CHN1: variants seen among roughly 807,000 people sequenced by gnomAD.
The protein encoded by CHN1 is chimerin 1.
CHN1 carries 37 observed loss-of-function variants against 59.5 expected under a neutral mutation model. The ratio of observed to expected loss-of-function variants is 0.62; its 90% CI spans 0.48 to 0.82. The LOEUF is 0.82. CHN1 is among the 40% of genes least tolerant of loss of function. The pLI, the probability that CHN1 is intolerant of heterozygous loss-of-function variation, is 0.00. For synonymous variants in CHN1, 206 were observed against 200.4 expected, an observed-to-expected ratio of 1.03 and a Z score of -0.24; for missense variants, 469 against 571.0, an observed-to-expected ratio of 0.82 and a Z score of 1.82.
intron 1 of CHN1, among the ~76,000 whole-genome samples, chr2:174,996,355 G>A (rs1311995610): frequency 1.3e-5 from 2 of 152,054 alleles, no homozygotes; most frequent in Non-Finnish European, 2.9e-5. Flanking sequence ...TTTTCAAGTG[G>A]GTCAACAGAC....
chr2:174,851,289 C>T (rs776170377), intron 6 of CHN1, among the ~76,000 whole-genome samples: 1 of 151,350 alleles, frequency 6.6e-6, no homozygotes, highest in Non-Finnish European at 1.5e-5. Context: ...CCTGCCCATC[C>T]TTTTTTTTGA....
chr2:174,878,490 C>T (rs891708502), intron 5 of CHN1, among the ~76,000 whole-genome samples: 6 of 152,158 alleles, frequency 3.9e-5, no homozygotes, highest in Admixed American at 3.9e-4. Flanking sequence ...TAATAGATGA[C>T]ATTTCTATAC....
intron 6 of CHN1, among the ~76,000 whole-genome samples, chr2:174,855,858 T>C (rs983086061): frequency 1.3e-5 from 2 of 152,106 alleles, no homozygotes; most frequent in Admixed American, 1.3e-4. Flanking sequence ...AAATTAAGTA[T>C]CTTGCTGAAG....
chr2:174,988,360 A>T lies in CHN1; in HGVS notation c.19+16534T>A, dbSNP rs568166348. On this transcript the variant is annotated intron_variant, in intron 1 of 12. Coordinates refer to ENST00000409900, the MANE Select transcript of CHN1 (RefSeq NM_001822.7). ...CAACAGAGTGAAACTCCGTCTCAAA[A>T]AAAAAAAAAAAAAGACCAAATACTT... Among the ~76,000 whole-genome samples the T allele has an allele frequency of 2.0e-5, 3 of 151,432 alleles. No homozygotes were observed. In the East Asian group the frequency reaches 5.8e-4, roughly 29 times the overall value.
chr2:174,865,672 C>G (rs979031347), intron 6 of CHN1, among the ~76,000 whole-genome samples: 5 of 152,118 alleles, frequency 3.3e-5, no homozygotes, highest in Non-Finnish European at 7.4e-5. Context: ...AACAGACTTT[C>G]AATGTTCTAA....
chr2:174,914,919 C>T, intron 5 of CHN1, 139 bp downstream of exon 5: 1 of 496,110 alleles, frequency 2.0e-6, no homozygotes, highest in East Asian at 3.1e-5. Context: ...TAAAGGGTCT[C>T]AAAGCTATTA....
intron 6 of CHN1, among the ~76,000 whole-genome samples, chr2:174,873,179 T>C (rs11885758): frequency 0.031 from 4,662 of 152,230 alleles, 254 homozygotes; most frequent in African/African-American, 0.11. Context: ...TGGCAATCTC[T>C]AAGAGCCTGT....
intron 6 of CHN1, among the ~76,000 whole-genome samples, chr2:174,871,255 G>C (rs796467415): frequency 1.0e-5 from 1 of 99,596 alleles, no homozygotes; most frequent in African/African-American, 2.9e-5. Context: ...TGTCACAAAA[G>C]ACAATTGTTT....
rs182516989 is a variant in CHN1, at chr2:174,960,997, G to A, written c.20-8795C>T. On this transcript the variant is annotated intron_variant, in intron 1 of 12. Coordinates refer to ENST00000409900, the MANE Select transcript of CHN1 (RefSeq NM_001822.7). ...AAAAAGAAAAAAAAAATCAGGTGGC[G>A]CGTGACTGTAGTCCCAGCTACACAG... Among the ~76,000 whole-genome samples, 84 of 152,006 alleles carry A rather than the reference G, an allele frequency of 5.5e-4. No individual in the cohort carries two copies. In the Middle Eastern group the frequency reaches 0.01, roughly 18 times the overall value.
chr2:175,005,193 C>G lies in CHN1; in HGVS notation c.-281G>C. 8.1e-7 allele frequency: 1 copy of G among 1,242,190 alleles called. No homozygotes were observed. The highest frequency in any genetic ancestry group is 1.0e-6 in the Non-Finnish European group (1 of 989,608). 76.9% of individuals were successfully genotyped at this position (1,242,190 alleles called of 1,614,324 possible). A position where few individuals can be genotyped will look rare whatever the true frequency, so the allele number is the denominator to read the frequency against. ...TGCCATCAGGCGCGGAGCGTGCGCG[C>G]GGGAGGAGGTACCTGCGAGGCAGGA... On this transcript the variant is annotated 5_prime_UTR_variant, in exon 1 of 13. Coordinates refer to ENST00000409900, the MANE Select transcript of CHN1 (RefSeq NM_001822.7).
At chr2:174,883,133 C>G (rs552795062) in intron 5 of CHN1, among the ~76,000 whole-genome samples, 130 of 152,322 alleles carry the variant, frequency 8.5e-4, no homozygotes, top group Non-Finnish European at 1.4e-3. Context: ...CAGTGGAACT[C>G]ACATAGCTCT....
chr2:174,896,690 T>C (rs535487370), intron 5 of CHN1, among the ~76,000 whole-genome samples: 22 of 152,222 alleles, frequency 1.4e-4, no homozygotes, highest in Non-Finnish European at 2.4e-4. Flanking sequence ...ATCATATTCA[T>C]CCTCTTAATC....
chr2:174,892,031 T>C (rs776418605), intron 5 of CHN1, among the ~76,000 whole-genome samples: 6 of 152,146 alleles, frequency 3.9e-5, no homozygotes, highest in Non-Finnish European at 8.8e-5. Flanking sequence ...ACATATAACC[T>C]ACCAAGACTG....
intron 6 of CHN1, among the ~76,000 whole-genome samples, chr2:174,860,871 C>T (rs927083366): frequency 6.6e-6 from 1 of 152,040 alleles, no homozygotes; most frequent in Non-Finnish European, 1.5e-5. Flanking sequence ...CTCGCTCTTT[C>T]CAATATGGAT....
intron 7 of CHN1, among the ~76,000 whole-genome samples, chr2:174,842,571 T>C (rs1686350416): frequency 6.6e-6 from 1 of 152,220 alleles, no homozygotes; most frequent in South Asian, 2.1e-4. Context: ...TTCATTCATT[T>C]TGTATTAATT....
At chr2:174,817,081 A>G (rs1685294027) in intron 8 of CHN1, among the ~76,000 whole-genome samples, 1 of 152,202 alleles carries the variant, frequency 6.6e-6, no homozygotes, top group Non-Finnish European at 1.5e-5. Flanking sequence ...TGGGTCACAC[A>G]TACCACTTTT....
At chr2:174,913,489 A>G (rs1688755837) in intron 5 of CHN1, among the ~76,000 whole-genome samples, 1 of 152,190 alleles carries the variant, frequency 6.6e-6, no homozygotes, top group Non-Finnish European at 1.5e-5. Context: ...TTCTAATTCA[A>G]TTAATGGTAA....
At chr2:174,848,670 G>A (rs1163997206) in intron 6 of CHN1, among the ~76,000 whole-genome samples, 1 of 152,108 alleles carries the variant, frequency 6.6e-6, no homozygotes, top group Admixed American at 6.6e-5. Flanking sequence ...TGGTTCTTAA[G>A]CTATGCTAGA....
intron 11 of CHN1, among the ~76,000 whole-genome samples, chr2:174,808,503 TTG>T (rs1300803562): frequency 1.5e-4 from 22 of 148,832 alleles, no homozygotes; most frequent in South Asian, 4.3e-4. Flanking sequence ...CAGGCTGGTC[TTG>T]CACTCCTGAC....
Sources: gnomAD v4.1 joint callset for allele counts (sites outside exome capture counted in the v4.1 genomes callset) on GRCh38, gnomAD v4.1.1 for gene constraint, MANE v1.5 for transcripts, NCBI Gene and HGNC (gene_info 2026-07-23, HGNC 2026-07-21) for gene names.